Variants in OLFML2A observed in about 807,000 individuals in gnomAD.
OLFML2A encodes olfactomedin-like protein 2A.
In OLFML2A, 47 loss-of-function variants were observed where a neutral mutation model predicts 60.9. That is an observed-to-expected ratio of 0.77 (90% CI 0.61 to 0.98). The LOEUF (loss-of-function observed/expected upper bound fraction) is 0.98, where lower values mean the gene tolerates loss of function less well. OLFML2A is among the 50% of genes least tolerant of loss of function. The pLI is 0.00. For synonymous variants in OLFML2A, 372 were observed against 375.0 expected (o/e 0.99, Z 0.09); for missense variants, 922 against 879.8 (o/e 1.05, Z -0.61).
chr9:124,810,713 C>A lies in OLFML2A; in HGVS notation c.*301C>A, dbSNP rs984386576. On this transcript the variant is annotated 3_prime_UTR_variant, in exon 8 of 8. Transcript: ENST00000373580. ...CGAGGAGACAGGCTCAGAGAGGCAC[C>A]GTCCCTTGCCTAACACCTCAGTTGT... 3 of 417,890 alleles carry A rather than the reference C, an allele frequency of 7.2e-6. No homozygotes were observed. The highest frequency in any genetic ancestry group is 9.1e-5 in the East Asian group (2 of 22,042). 25.9% of individuals were successfully genotyped at this position (417,890 alleles called of 1,614,324 possible).
chr9:124,800,583 G>A (rs78045036), intron 4 of OLFML2A, among the ~76,000 whole-genome samples: 3,234 of 152,262 alleles, frequency 0.021, 46 homozygotes, highest in Admixed American at 0.034. Context: ...GTGATAATGC[G>A]GCCATTTGTG....
intron 7 of OLFML2A, 89 bp from the exon 8 acceptor site, chr9:124,809,719 G>A: frequency 6.9e-7 from 1 of 1,450,910 alleles, no homozygotes. Flanking sequence ...TCACTTACTG[G>A]GCCACTGAGA....
intron 3 of OLFML2A, among the ~76,000 whole-genome samples, chr9:124,797,168 A>G (rs1841684133): frequency 6.6e-6 from 1 of 152,064 alleles, no homozygotes; most frequent in Admixed American, 6.6e-5. Context: ...TTTTGTAGAG[A>G]TGGGGCTTTA....
At chr9:124,793,659 A>C (rs143233213) in intron 2 of OLFML2A, among the ~76,000 whole-genome samples, 2 of 152,324 alleles carry the variant, frequency 1.3e-5, no homozygotes, top group African/African-American at 4.8e-5. Context: ...AAAGTTGTCC[A>C]TACCTGGTGT....
chr9:124,797,575 T>C (rs1841690171), intron 3 of OLFML2A, among the ~76,000 whole-genome samples: 1 of 152,242 alleles, frequency 6.6e-6, no homozygotes, highest in Admixed American at 6.5e-5. Flanking sequence ...TGTAACAATT[T>C]CTACAAATGA....
intron 2 of OLFML2A, among the ~76,000 whole-genome samples, chr9:124,789,682 G>A (rs896809186): frequency 6.6e-6 from 1 of 152,240 alleles, no homozygotes; most frequent in African/African-American, 2.4e-5. Context: ...AGAAAAGCAA[G>A]AGATCTGGGA....
chr9:124,807,830 G>A lies in OLFML2A; in HGVS notation c.1218G>A (p.Val406=), dbSNP rs562681433. The part of the protein sequence containing the change: ...EGTLRAVDPP[V]RHHSYGRHEG... Reference sequence around the variant, plus strand: ...CCCTCCGGGCTGTGGACCCCCCTGTGAGGCACCACAGCTATGGGCGCCACG... The same window carrying A: ...CCCTCCGGGCTGTGGACCCCCCTGTAAGGCACCACAGCTATGGGCGCCACG... Residue 406 remains valine (V), a synonymous_variant, in exon 7 of 8, where the codon GTG becomes GTA. Coordinates refer to ENST00000373580, the MANE Select transcript of OLFML2A (RefSeq NM_182487.4). 1 of 1,614,006 alleles carries A rather than the reference G, an allele frequency of 6.2e-7. No individual in the cohort carries two copies. Among genetic ancestry groups the A allele is most frequent in the Non-Finnish European group, 8.5e-7 (1 of 1,179,992 alleles).
At chr9:124,805,447 A>G (rs751297248) in intron 6 of OLFML2A, among the ~76,000 whole-genome samples, 11 of 152,194 alleles carry the variant, frequency 7.2e-5, no homozygotes, top group Non-Finnish European at 1.2e-4. Flanking sequence ...TTGAAATCAC[A>G]TCATTAAAAG....
intron 5 of OLFML2A, among the ~76,000 whole-genome samples, chr9:124,803,242 CCCTT>C (rs377621406): frequency 8.6e-4 from 129 of 150,846 alleles, no homozygotes; most frequent in East Asian, 4.9e-3. Context: ...TTTCCCTAAA[CCCTT>C]CCTTCCTTCC....
chr9:124,780,917 T>C (rs1162535879), intron 1 of OLFML2A, among the ~76,000 whole-genome samples: 2 of 152,312 alleles, frequency 1.3e-5, no homozygotes, highest in Admixed American at 6.5e-5. Flanking sequence ...GTTGGAGCCT[T>C]GGAGCCTCTA....
chr9:124,797,451 G>A (rs947226579), intron 3 of OLFML2A, among the ~76,000 whole-genome samples: 13 of 152,198 alleles, frequency 8.5e-5, no homozygotes, highest in Admixed American at 2.6e-4. Flanking sequence ...AGGAAGTAGA[G>A]AGCAAGGATT....
chr9:124,798,614 A>G (rs983104673), intron 3 of OLFML2A, among the ~76,000 whole-genome samples: 6 of 151,906 alleles, frequency 3.9e-5, no homozygotes, highest in African/African-American at 1.5e-4. Context: ...CGGGCGGATC[A>G]CTTGAGGCCA....
intron 1 of OLFML2A, among the ~76,000 whole-genome samples, chr9:124,785,690 G>A (rs1170703488): frequency 2.6e-5 from 4 of 151,970 alleles, no homozygotes; most frequent in Non-Finnish European, 4.4e-5. Flanking sequence ...ATGAGCCACC[G>A]CGCCCGGCCT....
chr9:124,787,071 C>T lies in OLFML2A; in HGVS notation c.187C>T (p.Arg63Ter). ...GCCCCTGAGCAAGGACGCGTGTAGCCGAGTGCGCAGTGGGCGGGCACGCGT... is the reference window on the plus strand; with the variant it reads ...GCCCCTGAGCAAGGACGCGTGTAGCTGAGTGCGCAGTGGGCGGGCACGCGT... ...MRPLSKDACSRVRSGRARVED... is the reference protein window; with the variant it reads ...MRPLSKDACS Residue 63 changes from arginine (R) to a stop codon, truncating the protein, a stop_gained, in exon 2 of 8, where the codon CGA becomes TGA. Transcript: ENST00000373580. LOFTEE classifies it high-confidence loss of function. 3.7e-6 allele frequency: 6 copies of T among 1,614,064 alleles called. No individual in the cohort carries two copies. The highest frequency in any genetic ancestry group is 5.1e-6 in the Non-Finnish European group (6 of 1,180,028).
At chr9:124,783,038 C>A (rs913160591) in intron 1 of OLFML2A, among the ~76,000 whole-genome samples, 2 of 151,960 alleles carry the variant, frequency 1.3e-5, no homozygotes, top group South Asian at 4.2e-4. Context: ...CTGAGCCTGA[C>A]TGTTGGTGTT....
intron 7 of OLFML2A, among the ~76,000 whole-genome samples, chr9:124,808,754 G>C (rs376417984): frequency 6.6e-6 from 1 of 152,152 alleles, no homozygotes; most frequent in Admixed American, 6.5e-5. Context: ...GAGAGGAAAC[G>C]TGATGGCCTG....
At chr9:124,797,580 A>C (rs1007114046) in intron 3 of OLFML2A, among the ~76,000 whole-genome samples, 6 of 152,226 alleles carry the variant, frequency 3.9e-5, no homozygotes, top group African/African-American at 1.2e-4. Flanking sequence ...CAATTTCTAC[A>C]AATGAAATTC....
chr9:124,791,737 C>CA (rs10553820), intron 2 of OLFML2A, among the ~76,000 whole-genome samples: 1,467 of 74,552 alleles, frequency 0.02, 36 homozygotes, highest in African/African-American at 0.044. Context: ...GACTCTGTCT[C>CA]AAAAAAAAAA....
intron 1 of OLFML2A, among the ~76,000 whole-genome samples, chr9:124,783,167 G>A (rs550029088): frequency 2.0e-5 from 3 of 151,754 alleles, no homozygotes; most frequent in East Asian, 1.9e-4. Context: ...CTGCCCCTCC[G>A]CAGGCTGCAG....
Sources: gnomAD v4.1 joint callset for allele counts (sites outside exome capture counted in the v4.1 genomes callset) on GRCh38, gnomAD v4.1.1 for gene constraint, MANE v1.5 for transcripts, NCBI Gene and HGNC (gene_info 2026-07-23, HGNC 2026-07-21) for gene names.